CCDC148: variants seen among roughly 807,000 people sequenced by gnomAD.
CCDC148 encodes the protein coiled-coil domain containing 148, also known as coiled-coil domain-containing protein 148.
CCDC148 carries 89 observed loss-of-function variants against 85.7 expected under a neutral mutation model. The observed-to-expected ratio is 1.04, with a 90% CI of 0.87 to 1.24. The LOEUF is 1.24. Ranked by LOEUF, CCDC148 falls within the 50% of genes most tolerant of loss-of-function variation. The pLI is 0.00. For missense variants in CCDC148, 692 were observed against 671.7 expected, an observed-to-expected ratio of 1.03 and a Z score of -0.33; for synonymous variants, 230 against 213.9, an observed-to-expected ratio of 1.08 and a Z score of -0.66.
intron 3 of CCDC148, among the ~76,000 whole-genome samples, chr2:158,342,056 G>T (rs1299299953): frequency 8.5e-6 from 1 of 117,836 alleles, no homozygotes; most frequent in Non-Finnish European, 1.7e-5. Context: ...TTGAGAAGGA[G>T]TCTTGCTGGG....
intron 11 of CCDC148, among the ~76,000 whole-genome samples, chr2:158,207,265 GA>G (rs1686298523): frequency 6.6e-6 from 1 of 152,178 alleles, no homozygotes; most frequent in Non-Finnish European, 1.5e-5. Flanking sequence ...ATAGCCAATT[GA>G]AGACTCCACT....
intron 7 of CCDC148, among the ~76,000 whole-genome samples, chr2:158,320,422 T>C (rs942815818): frequency 3.3e-5 from 5 of 152,192 alleles, no homozygotes; most frequent in Admixed American, 1.3e-4. Context: ...GTGTTCGTTC[T>C]TATGGTTACC....
At chr2:158,270,876 A>C (rs1208853105) in intron 9 of CCDC148, among the ~76,000 whole-genome samples, 2 of 152,186 alleles carry the variant, frequency 1.3e-5, no homozygotes, top group Non-Finnish European at 2.9e-5. Flanking sequence ...GGTAGACAGA[A>C]GCCACATATG....
In CCDC148 at chr2:158,437,582, C is replaced by G. The variant is rs545531402; in HGVS notation, c.25+18833G>C. Among the ~76,000 whole-genome samples, 552 of 152,282 alleles carry G rather than the reference C, an allele frequency of 3.6e-3. 1 individual carries two copies. Among genetic ancestry groups the G allele is most frequent in the Non-Finnish European group, 6.1e-3 (418 of 68,024 alleles). On this transcript the variant is annotated intron_variant, in intron 1 of 13. Transcript: ENST00000283233. ...AAAACTGGCACAAGACAGGGATGCCCTCTCTCACCCCTCCTATTCAACATA... is the reference window on the plus strand; with the variant it reads ...AAAACTGGCACAAGACAGGGATGCCGTCTCTCACCCCTCCTATTCAACATA...
chr2:158,316,965 T>C (rs184620409), intron 7 of CCDC148, among the ~76,000 whole-genome samples: 1 of 152,354 alleles, frequency 6.6e-6, no homozygotes, highest in Admixed American at 6.5e-5. Context: ...AACCTTCATC[T>C]TTTTTGTATA....
chr2:158,220,779 T>C, intron 10 of CCDC148, 66 bp from the exon 11 acceptor site: 1 of 1,251,324 alleles, frequency 8.0e-7, no homozygotes, highest in East Asian at 2.5e-5. Context: ...GGAAAAGCCA[T>C]AACCATATCC....
chr2:158,404,739 A>C (rs1685928590), intron 1 of CCDC148, among the ~76,000 whole-genome samples: 1 of 152,146 alleles, frequency 6.6e-6, no homozygotes, highest in Non-Finnish European at 1.5e-5. Context: ...TCAAGCCAGG[A>C]AGGCAGTAAC....
chr2:158,342,750 T>C (rs939744467), intron 3 of CCDC148, among the ~76,000 whole-genome samples: 3 of 152,122 alleles, frequency 2.0e-5, no homozygotes, highest in African/African-American at 7.2e-5. Context: ...GTGGTTGCAC[T>C]GAGTAGATTA....
intron 1 of CCDC148, among the ~76,000 whole-genome samples, chr2:158,366,732 T>A (rs1162161519): frequency 1.3e-5 from 2 of 152,344 alleles, no homozygotes; most frequent in East Asian, 3.9e-4. Context: ...TGGACCTGCA[T>A]TGAAGTTGTT....
At position 158,171,885 on chromosome 2, in the gene CCDC148, A is replaced by G; in HGVS notation, c.*228T>C. Reference sequence around the variant, plus strand: ...TATAAGTACTATATGTGCCATAATTAAGTTCCATAATTTGGGGGAATTTAG... The same window carrying G: ...TATAAGTACTATATGTGCCATAATTGAGTTCCATAATTTGGGGGAATTTAG... On this transcript the variant is annotated 3_prime_UTR_variant, in exon 14 of 14. Coordinates refer to ENST00000283233, the MANE Select transcript of CCDC148 (RefSeq NM_138803.4). 1 of 361,130 alleles carries G rather than the reference A, an allele frequency of 2.8e-6. No homozygotes were observed. The highest frequency in any genetic ancestry group is 5.2e-5 in the South Asian group (1 of 19,292). 22.4% of individuals were successfully genotyped at this position (361,130 alleles called of 1,614,324 possible). A position where few individuals can be genotyped will look rare whatever the true frequency, so the allele number is the denominator to read the frequency against.
intron 7 of CCDC148, among the ~76,000 whole-genome samples, chr2:158,332,300 A>G (rs1006052430): frequency 6.6e-6 from 1 of 151,554 alleles, no homozygotes; most frequent in African/African-American, 2.4e-5. Flanking sequence ...TTCTGGGTTG[A>G]AAATTCTTTT....
intron 1 of CCDC148, among the ~76,000 whole-genome samples, chr2:158,453,453 C>T (rs1236101578): frequency 6.6e-6 from 1 of 152,176 alleles, no homozygotes; most frequent in Admixed American, 6.5e-5. Context: ...GCCCTAGCAA[C>T]CCTTCTCAGG....
chr2:158,351,927 T>G (rs11886431), intron 2 of CCDC148, among the ~76,000 whole-genome samples: 1 of 143,986 alleles, frequency 6.9e-6, no homozygotes, highest in Non-Finnish European at 1.5e-5. Flanking sequence ...CCCTGACCCC[T>G]GAGCAGCCTA....
At chr2:158,377,237 T>C (rs948863263) in intron 1 of CCDC148, among the ~76,000 whole-genome samples, 1 of 151,428 alleles carries the variant, frequency 6.6e-6, no homozygotes, top group Non-Finnish European at 1.5e-5. Context: ...AGGGAAGGGA[T>C]AGTTTTTCTT....
At chr2:158,379,383 A>G (rs1684780953) in intron 1 of CCDC148, among the ~76,000 whole-genome samples, 1 of 152,128 alleles carries the variant, frequency 6.6e-6, no homozygotes, top group South Asian at 2.1e-4. Context: ...TGGAGATGAA[A>G]TCTATACCTG....
intron 10 of CCDC148, among the ~76,000 whole-genome samples, chr2:158,242,582 G>C (rs1305537110): frequency 6.6e-6 from 1 of 151,182 alleles, no homozygotes; most frequent in African/African-American, 2.4e-5. Context: ...TTCCCCACTT[G>C]CAGTGGGCTC....
At chr2:158,205,710 G>T (rs145209436) in intron 11 of CCDC148, among the ~76,000 whole-genome samples, 1 of 152,190 alleles carries the variant, frequency 6.6e-6, no homozygotes, top group Non-Finnish European at 1.5e-5. Flanking sequence ...TCAGCTTTTG[G>T]GAATGCCTAT....
intron 1 of CCDC148, among the ~76,000 whole-genome samples, chr2:158,444,204 C>CACAT (rs1553524672): frequency 2.0e-5 from 3 of 151,750 alleles, no homozygotes; most frequent in Non-Finnish European, 4.4e-5. Context: ...CATACACACA[C>CACAT]ATATATATAT....
chr2:158,327,847 T>A (rs934862002), intron 7 of CCDC148, among the ~76,000 whole-genome samples: 3 of 152,146 alleles, frequency 2.0e-5, no homozygotes, highest in Admixed American at 6.5e-5. Flanking sequence ...ATAGTACAGA[T>A]CTTTTACATT....
Sources: gnomAD v4.1 joint callset for allele counts (sites outside exome capture counted in the v4.1 genomes callset) on GRCh38, gnomAD v4.1.1 for gene constraint, MANE v1.5 for transcripts, NCBI Gene and HGNC (gene_info 2026-07-23, HGNC 2026-07-21) for gene names.